Variants in TCF12 observed in about 807,000 individuals in gnomAD.
TCF12 encodes DNA-binding protein HTF4.
TCF12 carries 45 observed loss-of-function variants against 86.0 expected under a neutral mutation model. The observed-to-expected ratio is 0.52, with a 90% confidence interval of 0.41 to 0.67. The LOEUF (loss-of-function observed/expected upper bound fraction) is 0.67, where lower values mean the gene tolerates loss of function less well. Ranked by LOEUF, TCF12 falls within the 30% of genes least tolerant of loss-of-function variation. The pLI is 0.00. For missense variants in TCF12, 881 were observed against 859.9 expected (o/e 1.02, Z -0.31); for synonymous variants, 330 against 299.6 (o/e 1.10, Z -1.05).
chr15:56,967,248 T>G (rs2062049921), intron 3 of TCF12, among the ~76,000 whole-genome samples: 1 of 151,878 alleles, frequency 6.6e-6, no homozygotes, highest in Non-Finnish European at 1.5e-5. Flanking sequence ...TAGTGAACAT[T>G]GTTTTGACTA....
intron 5 of TCF12, among the ~76,000 whole-genome samples, chr15:57,142,574 A>G (rs2053057500): frequency 6.9e-6 from 1 of 145,776 alleles, no homozygotes; most frequent in Non-Finnish European, 1.5e-5. Context: ...GTAGGAAACT[A>G]TAAGTCTATG....
chr15:57,121,380 A>G (rs1230617114), intron 5 of TCF12, among the ~76,000 whole-genome samples: 1 of 152,244 alleles, frequency 6.6e-6, no homozygotes, highest in Non-Finnish European at 1.5e-5. Flanking sequence ...CATGGTTTGA[A>G]TGATGGTATC....
chr15:57,075,839 CTT>C (rs1453270020), intron 4 of TCF12, among the ~76,000 whole-genome samples: 7 of 42,396 alleles, frequency 1.7e-4, no homozygotes, highest in Admixed American at 1.6e-3. Flanking sequence ...TCTCTCTTTT[CTT>C]TCTTTCTTTC....
Position 57,194,920 on chromosome 15 carries a change from G to A in TCF12, c.526+2627G>A, listed in dbSNP as rs537375768. ...TTATATTTATGTATTTTTCTTTTTT[G>A]AGACGGAGTTTCACTCTTGTCCCCC... On this transcript the variant is annotated intron_variant, in intron 7 of 20. Coordinates refer to ENST00000333725, the MANE Select transcript of TCF12 (RefSeq NM_207037.2). Among the ~76,000 whole-genome samples, 3 of 151,942 alleles carry A rather than the reference G, an allele frequency of 2.0e-5. No individual in the cohort carries two copies. In the South Asian group the frequency reaches 6.3e-4, roughly 32 times the overall value.
At chr15:57,224,466 A>T (rs573270102) in intron 8 of TCF12, among the ~76,000 whole-genome samples, 149 of 152,252 alleles carry the variant, frequency 9.8e-4, no homozygotes, top group African/African-American at 3.5e-3. Flanking sequence ...ATGCCCAGTA[A>T]TGTTAATTTA....
At chr15:56,961,870 C>T (rs981066477) in intron 3 of TCF12, among the ~76,000 whole-genome samples, 3 of 151,854 alleles carry the variant, frequency 2.0e-5, no homozygotes, top group Admixed American at 6.6e-5. Flanking sequence ...GGGCCGGGCG[C>T]GGTGGCTCAC....
chr15:57,072,432 C>T (rs966946031), intron 4 of TCF12, among the ~76,000 whole-genome samples: 3 of 152,064 alleles, frequency 2.0e-5, no homozygotes, highest in Non-Finnish European at 4.4e-5. Flanking sequence ...TATAAAATAG[C>T]TTTTACTCAG....
chr15:56,976,114 A>G (rs1450269013), intron 3 of TCF12, among the ~76,000 whole-genome samples: 1 of 151,966 alleles, frequency 6.6e-6, no homozygotes, highest in African/African-American at 2.4e-5. Context: ...CTAATGAAAC[A>G]GTCATTTTTT....
At chr15:57,099,394 A>C (rs1432685004) in intron 5 of TCF12, among the ~76,000 whole-genome samples, 2 of 152,206 alleles carry the variant, frequency 1.3e-5, no homozygotes, top group African/African-American at 4.8e-5. Flanking sequence ...AGAATGAATT[A>C]CTTGAAAGAG....
chr15:57,075,840 T>TC (rs2069951651), intron 4 of TCF12, among the ~76,000 whole-genome samples: 1 of 51,524 alleles, frequency 1.9e-5, no homozygotes, highest in Non-Finnish European at 4.0e-5. Context: ...CTCTCTTTTC[T>TC]TTCTTTCTTT....
chr15:57,168,848 C>A (rs2055094010), intron 6 of TCF12, among the ~76,000 whole-genome samples: 1 of 152,024 alleles, frequency 6.6e-6, no homozygotes, highest in South Asian at 2.1e-4. Flanking sequence ...GAGTTTGAGA[C>A]CAGCCTGGCC....
At chr15:57,177,307 T>G (rs1468476774) in intron 6 of TCF12, among the ~76,000 whole-genome samples, 1 of 147,448 alleles carries the variant, frequency 6.8e-6, no homozygotes, top group African/African-American at 2.5e-5. Flanking sequence ...CTTGCTCTTG[T>G]CACCCAGGCT....
chr15:57,111,781 CA>C (rs2050510425), intron 5 of TCF12, among the ~76,000 whole-genome samples: 1 of 151,704 alleles, frequency 6.6e-6, no homozygotes, highest in African/African-American at 2.4e-5. Context: ...TTTGTGGAGA[CA>C]GGATTTTACC....
intron 3 of TCF12, among the ~76,000 whole-genome samples, chr15:56,941,199 T>C (rs1264069090): frequency 6.6e-6 from 1 of 151,284 alleles, no homozygotes; most frequent in Non-Finnish European, 1.5e-5. Context: ...ACCCTGCCTC[T>C]ACAAAAAAAT....
intron 3 of TCF12, among the ~76,000 whole-genome samples, chr15:56,969,266 A>G (rs1236816233): frequency 6.6e-6 from 1 of 152,164 alleles, no homozygotes; most frequent in African/African-American, 2.4e-5. Context: ...TTTTCGTTTC[A>G]TAAACTTCAG....
chr15:56,951,007 T>C (rs1005925121), intron 3 of TCF12, among the ~76,000 whole-genome samples: 17 of 151,916 alleles, frequency 1.1e-4, no homozygotes, highest in African/African-American at 3.4e-4. Context: ...CCGCCCACCT[T>C]GGCCTCCCAA....
rs2585115 is a variant in TCF12 at position 57,012,052 on chromosome 15, C to T, written c.149-51698C>T. Among the ~76,000 whole-genome samples, 589 of 152,204 alleles carry T rather than the reference C, an allele frequency of 3.9e-3. 5 individuals are homozygous for T. The highest frequency in any genetic ancestry group is 0.014 in the African/African-American group (565 of 41,522). ...GTGTTTGTATTCTGCTATTAAATTT[C>T]AGGACAGCATTTTCTTCTTAAGCAG... On this transcript the variant is annotated intron_variant, in intron 3 of 20. Coordinates refer to ENST00000333725, the MANE Select transcript of TCF12 (RefSeq NM_207037.2).
At chr15:57,170,782 TA>T (rs1400859979) in intron 6 of TCF12, among the ~76,000 whole-genome samples, 9 of 46,378 alleles carry the variant, frequency 1.9e-4, no homozygotes, top group African/African-American at 6.5e-4. Context: ...ATATATAATA[TA>T]TATATATAAT....
At chr15:57,038,515 C>T (rs536965739) in intron 3 of TCF12, among the ~76,000 whole-genome samples, 144 of 152,176 alleles carry the variant, frequency 9.5e-4, no homozygotes, top group African/African-American at 3.4e-3. Context: ...GGTACTATTT[C>T]GTGATATCAC....
Sources: allele counts gnomAD v4.1 joint callset (sites outside exome capture counted in the v4.1 genomes callset), GRCh38; gene constraint gnomAD v4.1.1; transcripts MANE v1.5; gene names NCBI Gene and HGNC (gene_info 2026-07-23, HGNC 2026-07-21).